Variants in DDC observed in about 807,000 individuals in gnomAD.
DDC encodes dopa decarboxylase, also known as aromatic-L-amino-acid decarboxylase.
A neutral mutation model predicts 60.0 loss-of-function variants in DDC; 43 were observed. That is an observed-to-expected ratio of 0.72 (90% confidence interval 0.56 to 0.92). The LOEUF (loss-of-function observed/expected upper bound fraction) is 0.92. Ranked by LOEUF, DDC falls within the 40% of genes least tolerant of loss-of-function variation. The probability of loss-of-function intolerance (pLI) is 0.00; values close to 1 mark genes in which losing one functional copy is unlikely to be tolerated. For missense variants in DDC, 573 were observed against 620.2 expected, an observed-to-expected ratio of 0.92 and a Z score of 0.81; for synonymous variants, 232 against 234.6, an observed-to-expected ratio of 0.99 and a Z score of 0.10.
chr7:50,549,762 G>A (rs2044927649), intron 1 of DDC, among the ~76,000 whole-genome samples: 1 of 152,090 alleles, frequency 6.6e-6, no homozygotes. Context: ...ACGACTTCAA[G>A]TTTCAAAATT....
intron 9 of DDC, chr7:50,480,064 C>A: frequency 1.7e-6 from 1 of 592,954 alleles, no homozygotes. Flanking sequence ...GTCTTTGTTA[C>A]CAGTTCCTGG....
At chr7:50,556,771 C>T (rs1014186018) in intron 1 of DDC, among the ~76,000 whole-genome samples, 6 of 152,180 alleles carry the variant, frequency 3.9e-5, no homozygotes, top group African/African-American at 9.7e-5. Context: ...GATTGGTCTG[C>T]GTTGGAAAAT....
At chr7:50,507,719 C>T (rs1421272788) in intron 6 of DDC, among the ~76,000 whole-genome samples, 3 of 151,588 alleles carry the variant, frequency 2.0e-5, no homozygotes, top group Admixed American at 1.3e-4. Context: ...TTTTTTTGTT[C>T]TGAGTATGAA....
intron 6 of DDC, among the ~76,000 whole-genome samples, chr7:50,519,087 A>C (rs1317330334): frequency 6.6e-6 from 1 of 152,170 alleles, no homozygotes; most frequent in Non-Finnish European, 1.5e-5. Context: ...TAAGGACATG[A>C]ATAGACAATT....
chr7:50,512,126 C>T lies in DDC; in HGVS notation c.715-8067G>A, dbSNP rs554182405. Among the ~76,000 whole-genome samples the T allele has an allele frequency of 2.4e-3, 359 of 152,086 alleles. 1 individual carries two copies. The highest frequency in any genetic ancestry group is 6.8e-3 in the Middle Eastern group (2 of 294). On this transcript the variant is annotated intron_variant, in intron 6 of 14. Transcript: ENST00000444124. ...TCAGAATGGGTAAGAAAACAAGACC[C>T]AACTATATTTTCTGTATAAGAAATG... is the stretch of plus-strand genomic sequence containing the variant.
chr7:50,464,016 C>G (rs1585130948), intron 13 of DDC, among the ~76,000 whole-genome samples: 1 of 152,166 alleles, frequency 6.6e-6, no homozygotes, highest in East Asian at 1.9e-4. Flanking sequence ...CAATGGGAAG[C>G]CCTTGCTGTC....
chr7:50,515,480 C>T (rs1190042244), intron 6 of DDC, among the ~76,000 whole-genome samples: 2 of 152,022 alleles, frequency 1.3e-5, no homozygotes, highest in Non-Finnish European at 2.9e-5. Flanking sequence ...GACACAGGAC[C>T]TATAAAGCAA....
intron 14 of DDC, among the ~76,000 whole-genome samples, chr7:50,462,226 C>CAAAAAAAA (rs11410259): frequency 9.4e-3 from 711 of 75,334 alleles, no homozygotes; most frequent in East Asian, 0.016. Flanking sequence ...GACAAAAAGA[C>CAAAAAAAA]AAAAAAAAAA....
chr7:50,522,190 C>CG (rs201804532), intron 6 of DDC, among the ~76,000 whole-genome samples: 2,656 of 103,880 alleles, frequency 0.026, 159 homozygotes, highest in Admixed American at 0.16. Context: ...CCATTAGCAC[C>CG]AAAAAAAGTA....
At chr7:50,525,366 T>C (rs1224382708) in intron 6 of DDC, among the ~76,000 whole-genome samples, 10 of 152,180 alleles carry the variant, frequency 6.6e-5, no homozygotes, top group Admixed American at 6.5e-4. Flanking sequence ...TATGGTACTA[T>C]AGTTATAAAA....
intron 6 of DDC, among the ~76,000 whole-genome samples, chr7:50,510,527 G>T (rs1337503313): frequency 6.6e-6 from 1 of 151,782 alleles, no homozygotes; most frequent in Non-Finnish European, 1.5e-5. Context: ...AAATTAGCCA[G>T]GTGTGGTGGT....
At chr7:50,509,675 A>T (rs190130983) in intron 6 of DDC, among the ~76,000 whole-genome samples, 1 of 152,316 alleles carries the variant, frequency 6.6e-6, no homozygotes, top group Admixed American at 6.5e-5. Flanking sequence ...GAATGAATGA[A>T]TGAGTCATTT....
chr7:50,513,273 A>G (rs1337968973), intron 6 of DDC, among the ~76,000 whole-genome samples: 1 of 152,186 alleles, frequency 6.6e-6, no homozygotes, highest in East Asian at 1.9e-4. Context: ...ATCTGAGTCA[A>G]TTTAGACAGT....
intron 9 of DDC, among the ~76,000 whole-genome samples, chr7:50,480,277 G>A (rs1234419500): frequency 6.6e-6 from 1 of 152,202 alleles, no homozygotes; most frequent in Non-Finnish European, 1.5e-5. Context: ...CAGGATTGGA[G>A]AGCTCTGGGT....
chr7:50,479,661 C>G, intron 10 of DDC, 126 bp downstream of exon 10: 1 of 881,488 alleles, frequency 1.1e-6, no homozygotes, highest in South Asian at 1.3e-5. Flanking sequence ...ATGCACAGCA[C>G]CCCGTCTTCT....
intron 8 of DDC, among the ~76,000 whole-genome samples, chr7:50,496,738 C>T (rs892334064): frequency 1.5e-4 from 23 of 152,142 alleles, no homozygotes; most frequent in African/African-American, 1.2e-4. Flanking sequence ...TGCAGTGAGG[C>T]GCCAGTCTGG....
intron 12 of DDC, among the ~76,000 whole-genome samples, chr7:50,468,999 G>T (rs2042466125): frequency 6.8e-6 from 1 of 147,746 alleles, no homozygotes; most frequent in Non-Finnish European, 1.5e-5. Context: ...TAGTGCAGTG[G>T]CACAATCTCT....
chr7:50,545,486 T>C (rs2044771318), intron 1 of DDC, among the ~76,000 whole-genome samples: 1 of 152,244 alleles, frequency 6.6e-6, no homozygotes, highest in African/African-American at 2.4e-5. Flanking sequence ...GTGTTTATTT[T>C]TTTGAAACGG....
intron 4 of DDC, among the ~76,000 whole-genome samples, chr7:50,537,430 A>G (rs2044453445): frequency 6.6e-6 from 1 of 152,240 alleles, no homozygotes; most frequent in Non-Finnish European, 1.5e-5. Flanking sequence ...AGGGCTATTA[A>G]AATGTTTCTT....
Sources: gnomAD v4.1 joint callset for allele counts (sites outside exome capture counted in the v4.1 genomes callset) on GRCh38, gnomAD v4.1.1 for gene constraint, MANE v1.5 for transcripts, NCBI Gene and HGNC (gene_info 2026-07-23, HGNC 2026-07-21) for gene names.